Variants in USH1C observed in about 807,000 individuals in gnomAD.
USH1C encodes the protein harmonin.
Under a neutral mutation model 119.3 loss-of-function variants are expected in USH1C, and 90 were observed. That is an observed-to-expected ratio of 0.75 (90% confidence interval 0.64 to 0.90). The LOEUF is 0.90. USH1C is among the 40% of genes least tolerant of loss of function. The pLI is 0.00. For missense variants in USH1C, 1,165 were observed against 1,167.7 expected (o/e 1.00, Z 0.03); for synonymous variants, 465 against 443.3 (o/e 1.05, Z -0.62).
In USH1C at chr11:17,496,769, A is replaced by G. The variant is rs1488373963; in HGVS notation, c.2535T>C (p.Tyr845=). ...LVVAVCPPKE[Y]DDELASLPSS... ...TTGCACACACTTACAGCTCATCGTC[A>G]TACTCCTTTGGGGGGCAGACGGCAA... is the stretch of plus-strand genomic sequence containing the variant. The change falls in exon 25 of 27, where the codon TAT becomes TAC. Residue 845 remains tyrosine, a synonymous_variant. Transcript: ENST00000005226. 1.9e-6 allele frequency: 3 copies of G among 1,614,228 alleles called. No homozygotes were observed. The highest frequency in any genetic ancestry group is 2.2e-5 in the East Asian group (1 of 44,880).
At position 17,509,797 on chromosome 11, in the gene USH1C, G is replaced by T; in HGVS notation, c.1572C>A (p.Pro524=). 6.2e-7 allele frequency: 1 copy of T among 1,601,028 alleles called. No individual in the cohort carries two copies. The highest frequency in any genetic ancestry group is 8.5e-7 in the Non-Finnish European group (1 of 1,179,342). ...CGAAGCGTCTCAAGGGTGGGGCCAG[G>T]GGAGACACAGAAGGCGGGGGAGGCG... ...GPPPPPPSVS[P]LAPPLRRFAG... The change falls in exon 18 of 27, where the codon CCC becomes CCA. Residue 524 remains proline (P), a synonymous_variant. Coordinates refer to ENST00000005226, the MANE Select transcript of USH1C (RefSeq NM_153676.4).
intron 1 of USH1C, among the ~76,000 whole-genome samples, chr11:17,536,198 C>T (rs1851224428): frequency 1.3e-5 from 2 of 152,194 alleles, no homozygotes; most frequent in Non-Finnish European, 2.9e-5. Flanking sequence ...AGAGAGGACA[C>T]CCTGACTAAA....
chr11:17,494,061 C>A lies in USH1C; in HGVS notation c.*271G>T, dbSNP rs559684597. The A allele has an allele frequency of 7.6e-6, 4 of 524,452 alleles. No individual in the cohort carries two copies. Among genetic ancestry groups the A allele is most frequent in the Non-Finnish European group, 1.4e-5 (4 of 289,642 alleles). The allele number at this position is 524,452 out of a possible 1,614,324, so 32.5% of individuals were successfully genotyped here. On this transcript the variant is annotated 3_prime_UTR_variant, in exon 27 of 27. Transcript: ENST00000005226. The stretch of plus-strand genomic sequence containing the variant: ...GGAGTCCCCCAGAGCTGGGAGAGAC[C>A]AAATTCACTGGGCCAGAGGAAAGGA...
rs2133867701 is a variant in USH1C, at chr11:17,520,868, A to G, written c.1210+2T>C. 1 of 1,614,128 alleles carries G rather than the reference A, an allele frequency of 6.2e-7. No individual in the cohort carries two copies. The highest frequency in any genetic ancestry group is 8.5e-7 in the Non-Finnish European group (1 of 1,180,022). Reference sequence around the variant, plus strand: ...CCTCTCCCCTCGGCTCATGAAACTTACACTTTGGCTTGCGAAGGGGTACTG... The same window carrying G: ...CCTCTCCCCTCGGCTCATGAAACTTGCACTTTGGCTTGCGAAGGGGTACTG... On this transcript the variant is annotated splice_donor_variant, in intron 14 of 26. Coordinates refer to ENST00000005226, the MANE Select transcript of USH1C (RefSeq NM_153676.4). LOFTEE classifies it high-confidence loss of function.
At chr11:17,503,553 C>A (rs1383002009) in intron 20 of USH1C, among the ~76,000 whole-genome samples, 1 of 152,210 alleles carries the variant, frequency 6.6e-6, no homozygotes, top group African/African-American at 2.4e-5. Context: ...TTTGACTCCA[C>A]CTCTGGAGCC....
At chr11:17,518,161 T>C (rs16934365) in intron 14 of USH1C, among the ~76,000 whole-genome samples, 4,506 of 152,366 alleles carry the variant, frequency 0.03, 223 homozygotes, top group African/African-American at 0.1. Context: ...AACTTGCCCA[T>C]TGGCCTATGC....
At chr11:17,506,922 C>G (rs1849672168) in intron 18 of USH1C, among the ~76,000 whole-genome samples, 1 of 152,178 alleles carries the variant, frequency 6.6e-6, no homozygotes, top group Non-Finnish European at 1.5e-5. Context: ...CTGCATAGTG[C>G]CTTGGCATAT....
chr11:17,524,199 G>C (rs1850554343), intron 9 of USH1C, among the ~76,000 whole-genome samples: 1 of 152,218 alleles, frequency 6.6e-6, no homozygotes, highest in Non-Finnish European at 1.5e-5. Context: ...GGACACTGAA[G>C]GTCCGCTCTT....
At chr11:17,542,667 G>T (rs866550767) in intron 1 of USH1C, among the ~76,000 whole-genome samples, 54 of 152,338 alleles carry the variant, frequency 3.5e-4, no homozygotes, top group African/African-American at 1.2e-3. Context: ...ACAGAGTGAA[G>T]GCAGAAGACC....
intron 4 of USH1C, among the ~76,000 whole-genome samples, chr11:17,529,613 CAG>C (rs1461623079): frequency 6.6e-6 from 1 of 152,232 alleles, no homozygotes. Flanking sequence ...GGAATTTGCC[CAG>C]AACCCCAGTC....
chr11:17,508,826 G>A (rs2133814710), intron 18 of USH1C, among the ~76,000 whole-genome samples: 1 of 152,284 alleles, frequency 6.6e-6, no homozygotes, highest in Non-Finnish European at 1.5e-5. Flanking sequence ...GGCCAGTACT[G>A]TAGAAAATGG....
At chr11:17,503,096 C>T (rs1269602864) in intron 20 of USH1C, among the ~76,000 whole-genome samples, 1 of 152,234 alleles carries the variant, frequency 6.6e-6, no homozygotes, top group Non-Finnish European at 1.5e-5. Flanking sequence ...TGGCATCCCT[C>T]CTCACTTGCC....
At chr11:17,527,756 G>T (rs1248519173) in intron 4 of USH1C, among the ~76,000 whole-genome samples, 1 of 152,214 alleles carries the variant, frequency 6.6e-6, no homozygotes, top group African/African-American at 2.4e-5. Context: ...CCCCTAGGAA[G>T]TTGGCTCCCT....
chr11:17,496,714 A>G, intron 25 of USH1C, 44 bp downstream of exon 25: 1 of 1,612,008 alleles, frequency 6.2e-7, no homozygotes, highest in Non-Finnish European at 8.5e-7. Context: ...GAGATTCTGG[A>G]GAAGGAAGAA....
chr11:17,494,573 A>G (rs1849179284), intron 26 of USH1C, 197 bp from the exon 27 acceptor site: 2 of 645,758 alleles, frequency 3.1e-6, no homozygotes, highest in Non-Finnish European at 5.6e-6. Flanking sequence ...GGCCAGGGAG[A>G]AAGCGGGAGG....
At chr11:17,529,739 C>T (rs1267559200) in intron 4 of USH1C, among the ~76,000 whole-genome samples, 1 of 152,178 alleles carries the variant, frequency 6.6e-6, no homozygotes, top group South Asian at 2.1e-4. Flanking sequence ...GATGATATAA[C>T]GATCTGAGGG....
rs775430392 is a variant in USH1C at position 17,525,279 on chromosome 11, C to A, written c.675-744G>T. 5.4e-4 allele frequency among the ~76,000 whole-genome samples: 82 copies of A among 152,208 alleles called. 2 individuals carry two copies. Among genetic ancestry groups the A allele is most frequent in the Non-Finnish European group, 6.0e-4 (41 of 68,038 alleles). On this transcript the variant is annotated intron_variant, in intron 8 of 26. Coordinates refer to ENST00000005226, the MANE Select transcript of USH1C (RefSeq NM_153676.4). ...AATGTAGTCCCGTTCGAGTCCCTAT[C>A]ACCCTATATTATAACTATTTACTTG...
At chr11:17,521,280 G>A in intron 13 of USH1C, 66 bp downstream of exon 13, 1 of 1,559,216 alleles carries the variant, frequency 6.4e-7, no homozygotes, top group Non-Finnish European at 8.8e-7. Context: ...GCAGCCTCTG[G>A]TTGGCCACAC....
intron 23 of USH1C, among the ~76,000 whole-genome samples, chr11:17,499,932 C>T (rs373765434): frequency 6.6e-6 from 1 of 152,192 alleles, no homozygotes; most frequent in African/African-American, 2.4e-5. Flanking sequence ...CTCATAGGGT[C>T]CCCCACTCTG....
Sources: gnomAD v4.1 joint callset for allele counts (sites outside exome capture counted in the v4.1 genomes callset) on GRCh38, gnomAD v4.1.1 for gene constraint, MANE v1.5 for transcripts, NCBI Gene and HGNC (gene_info 2026-07-23, HGNC 2026-07-21) for gene names.